EPB41L2: variants seen among roughly 807,000 people sequenced by gnomAD.
EPB41L2 encodes erythrocyte membrane protein band 4.1 like 2, also known as band 4.1-like protein 2.
A neutral mutation model predicts 113.0 loss-of-function variants in EPB41L2; 43 were observed. The observed-to-expected ratio is 0.38, with a 90% CI of 0.30 to 0.49. The LOEUF is 0.49. Among genes scored for constraint, EPB41L2 ranks in the 20% least tolerant of loss-of-function variants. The probability of loss-of-function intolerance (pLI) is 0.95; values close to 1 mark genes in which losing one functional copy is unlikely to be tolerated. For missense variants in EPB41L2, 1,147 were observed against 1,223.4 expected, an observed-to-expected ratio of 0.94 and a Z score of 0.93; for synonymous variants, 442 against 436.7, an observed-to-expected ratio of 1.01 and a Z score of -0.15.
chr6:130,924,741 GT>G (rs1804073622), intron 4 of EPB41L2, among the ~76,000 whole-genome samples: 1 of 152,222 alleles, frequency 6.6e-6, no homozygotes, highest in South Asian at 2.1e-4. Context: ...GGTTGTATCA[GT>G]TTACCTTCCT....
intron 3 of EPB41L2, among the ~76,000 whole-genome samples, chr6:130,941,373 A>G (rs572481289): frequency 1.3e-5 from 2 of 152,332 alleles, no homozygotes; most frequent in South Asian, 2.1e-4. Context: ...GTTAGATAAT[A>G]AAGAGGCTAG....
intron 17 of EPB41L2, 149 bp from the exon 18 acceptor site, chr6:130,863,867 C>T (rs1782900931): frequency 3.5e-6 from 2 of 565,996 alleles, no homozygotes; most frequent in South Asian, 2.4e-5. Context: ...ATTCTAGAAA[C>T]ACTTTGTGCT....
At chr6:130,978,132 T>C (rs987089976) in intron 1 of EPB41L2, among the ~76,000 whole-genome samples, 4 of 152,162 alleles carry the variant, frequency 2.6e-5, no homozygotes, top group African/African-American at 9.7e-5. Context: ...CCACCACCAT[T>C]CCAAGAGGCT....
intron 1 of EPB41L2, among the ~76,000 whole-genome samples, chr6:130,967,434 G>A (rs1775551520): frequency 6.6e-6 from 1 of 152,118 alleles, no homozygotes; most frequent in African/African-American, 2.4e-5. Context: ...CAAACAACTG[G>A]CTTTTGCTAA....
chr6:130,979,494 A>C (rs1355695555), intron 1 of EPB41L2, among the ~76,000 whole-genome samples: 2 of 38,234 alleles, frequency 5.2e-5, no homozygotes, highest in African/African-American at 1.4e-4. Context: ...GACTCTGTCA[A>C]AAAAAAAAAA....
At chr6:131,050,060 C>T (rs1421253622) in intron 1 of EPB41L2, among the ~76,000 whole-genome samples, 3 of 152,200 alleles carry the variant, frequency 2.0e-5, no homozygotes, top group Admixed American at 6.5e-5. Flanking sequence ...AAATGGGGAC[C>T]GGGTGCGGTG....
chr6:130,945,986 G>A (rs1467653543), intron 3 of EPB41L2, among the ~76,000 whole-genome samples: 1 of 152,070 alleles, frequency 6.6e-6, no homozygotes, highest in Non-Finnish European at 1.5e-5. Flanking sequence ...TGGAACCAAA[G>A]AAGGTTGGCA....
chr6:130,852,935 C>T (rs889522486), intron 19 of EPB41L2, among the ~76,000 whole-genome samples: 2 of 152,156 alleles, frequency 1.3e-5, no homozygotes, highest in South Asian at 2.1e-4. Context: ...CTACCCAGCA[C>T]GAAGCTTAAG....
chr6:130,880,424 G>T, intron 12 of EPB41L2: 1 of 633,332 alleles, frequency 1.6e-6, no homozygotes, highest in Non-Finnish European at 2.8e-6. Context: ...GCAGTCATGA[G>T]ATGTTTAACT....
chr6:130,932,757 T>A (rs1169148952), intron 3 of EPB41L2, among the ~76,000 whole-genome samples: 2 of 152,260 alleles, frequency 1.3e-5, no homozygotes, highest in African/African-American at 4.8e-5. Context: ...CTTACTTCAA[T>A]GCCTCCTACT....
At chr6:131,054,617 C>T (rs1797259642) in intron 1 of EPB41L2, among the ~76,000 whole-genome samples, 1 of 152,262 alleles carries the variant, frequency 6.6e-6, no homozygotes, top group South Asian at 2.1e-4. Context: ...TCGGGCGCCA[C>T]TTGTGGCACA....
At chr6:131,024,747 T>C (rs1386938573) in intron 1 of EPB41L2, among the ~76,000 whole-genome samples, 4 of 152,198 alleles carry the variant, frequency 2.6e-5, no homozygotes, top group Admixed American at 6.5e-5. Context: ...GATCGTAGAC[T>C]ACCCTGTCCC....
chr6:130,860,360 A>G (rs1387572306), intron 18 of EPB41L2, among the ~76,000 whole-genome samples: 1 of 152,242 alleles, frequency 6.6e-6, no homozygotes, highest in Admixed American at 6.5e-5. Flanking sequence ...AAGATTGGGA[A>G]AAGCAAAAAC....
chr6:130,992,045 G>T (rs1781994183), intron 1 of EPB41L2, among the ~76,000 whole-genome samples: 1 of 151,984 alleles, frequency 6.6e-6, no homozygotes, highest in Non-Finnish European at 1.5e-5. Flanking sequence ...TTCTATGGAA[G>T]GACAGCCAGT....
chr6:130,911,582 C>A (rs1299088358), intron 4 of EPB41L2, among the ~76,000 whole-genome samples: 1 of 151,874 alleles, frequency 6.6e-6, no homozygotes, highest in Non-Finnish European at 1.5e-5. Context: ...AACTCTCCAA[C>A]TAAACAACAA....
At chr6:130,982,843 C>T (rs1332304264) in intron 1 of EPB41L2, among the ~76,000 whole-genome samples, 2 of 152,086 alleles carry the variant, frequency 1.3e-5, no homozygotes, top group African/African-American at 4.8e-5. Flanking sequence ...AAATGAGGCT[C>T]GGAGAAATTA....
Position 130,950,480 on chromosome 6 carries a change from C to A in EPB41L2, c.705+4625G>T, listed in dbSNP as rs555673847. Reference sequence around the variant, plus strand: ...CTACCAAAAATATTAATTGCTGTAACTAACTCGGGAAAAAAAAATTTAAAA... The same window carrying A: ...CTACCAAAAATATTAATTGCTGTAAATAACTCGGGAAAAAAAAATTTAAAA... On this transcript the variant is annotated intron_variant, in intron 3 of 19. Coordinates refer to ENST00000337057, the MANE Select transcript of EPB41L2 (RefSeq NM_001431.4). Among the ~76,000 whole-genome samples the A allele has an allele frequency of 9.2e-5, 14 of 152,044 alleles. No individual in the cohort carries two copies. In the East Asian group the frequency reaches 2.7e-3, roughly 29 times the overall value.
intron 6 of EPB41L2, 29 bp downstream of exon 6, chr6:130,904,436 G>T (rs1380739669): frequency 1.4e-6 from 2 of 1,472,760 alleles, no homozygotes; most frequent in East Asian, 2.3e-5. Flanking sequence ...GTAAGGAAAG[G>T]TTCATTTAAA....
Position 130,858,247 on chromosome 6 carries a change from C to T in EPB41L2, c.2911-4G>A. ...CCCTGATCGCCTGAGCCAGTGCCTG[C>T]CAGGGTCAGGACAGAGAACGGCTGT... On this transcript the variant is annotated splice_polypyrimidine_tract_variant and splice_region_variant and intron_variant, in intron 18 of 19. Coordinates refer to ENST00000337057, the MANE Select transcript of EPB41L2 (RefSeq NM_001431.4). 4 of 1,608,850 alleles carry T rather than the reference C, an allele frequency of 2.5e-6. No individual in the cohort carries two copies. Among genetic ancestry groups the T allele is most frequent in the Non-Finnish European group, 3.4e-6 (4 of 1,177,290 alleles).
Sources: gnomAD v4.1 joint callset for allele counts (sites outside exome capture counted in the v4.1 genomes callset) on GRCh38, gnomAD v4.1.1 for gene constraint, MANE v1.5 for transcripts, NCBI Gene and HGNC (gene_info 2026-07-23, HGNC 2026-07-21) for gene names.